LMX1B: variants seen among roughly 807,000 people sequenced by gnomAD.
LMX1B encodes the protein LIM homeobox transcription factor 1-beta.
A neutral mutation model predicts 51.4 loss-of-function variants in LMX1B; 12 were observed. The ratio of observed to expected loss-of-function variants is 0.23; its 90% CI spans 0.15 to 0.38. The LOEUF (loss-of-function observed/expected upper bound fraction) is 0.38, where lower values mean the gene tolerates loss of function less well. LMX1B is among the 10% of genes least tolerant of loss of function. LMX1B has a pLI of 1.00. For synonymous variants in LMX1B, 237 were observed against 235.4 expected, an observed-to-expected ratio of 1.01 and a Z score of -0.06; for missense variants, 445 against 571.1, an observed-to-expected ratio of 0.78 and a Z score of 2.25.
Position 126,673,360 on chromosome 9 carries a change from C to A in LMX1B, c.327-17476C>A, listed in dbSNP as rs1034017180. Among the ~76,000 whole-genome samples the A allele has an allele frequency of 1.3e-5, 2 of 152,144 alleles. No homozygotes were observed. The highest frequency in any genetic ancestry group is 4.8e-5 in the African/African-American group (2 of 41,438). On this transcript the variant is annotated intron_variant, in intron 2 of 7. Transcript: ENST00000373474. The surrounding 1 kb of genome is among the most constrained non-coding windows in gnomAD (Gnocchi z 4.4). ...CTGGACTTCCTGGGCGTCTGACACA[C>A]CAGGCCCCACAAACAACTCCGCACC...
At chr9:126,674,820 A>G (rs140714616) in intron 2 of LMX1B, among the ~76,000 whole-genome samples, 98 of 152,326 alleles carry the variant, frequency 6.4e-4, no homozygotes, top group Non-Finnish European at 1.1e-3. Context: ...TCTCACCTGC[A>G]GGGCACCAGC....
intron 2 of LMX1B, among the ~76,000 whole-genome samples, chr9:126,624,642 G>A (rs1462876384): frequency 1.3e-5 from 2 of 149,380 alleles, no homozygotes; most frequent in African/African-American, 4.9e-5. Flanking sequence ...CGAGGGCGGC[G>A]AGTGGCAGGT....
rs182978922 is a variant in LMX1B at position 126,665,402 on chromosome 9, C to T, written c.327-25434C>T. Among the ~76,000 whole-genome samples the T allele has an allele frequency of 3.5e-3, 537 of 152,320 alleles. 5 individuals carry two copies. The highest frequency in any genetic ancestry group is 5.7e-3 in the Non-Finnish European group (387 of 68,024). ...TGACTCTGGTGGCTAAATTGAGTCT[C>T]GGTTTCCTTAAAATGACTATTTATT... On this transcript the variant is annotated intron_variant, in intron 2 of 7. Coordinates refer to ENST00000373474, the MANE Select transcript of LMX1B (RefSeq NM_001174147.2).
intron 3 of LMX1B, 84 bp from the exon 4 acceptor site, chr9:126,693,058 G>T: frequency 7.2e-7 from 1 of 1,393,174 alleles, no homozygotes; most frequent in Non-Finnish European, 9.8e-7. Context: ...GGCTCCCATC[G>T]GGCAGCAGGT....
In LMX1B at chr9:126,641,105, AC is replaced by A. The variant is rs1472635750; in HGVS notation, c.326+25538del. ...CACGAGGCACAGAGCTGAGTAGGCA[AC>A]CTGGCACGGGGGCATGTGGAAGGAG... On this transcript the variant is annotated intron_variant, in intron 2 of 7. Transcript: ENST00000373474. This position sits in a 1 kb window ranked among gnomAD's most constrained non-coding sequence, Gnocchi z 4.1. 1.3e-5 allele frequency: 2 copies of A among 152,346 alleles called. No individual in the cohort carries two copies. The highest frequency in any genetic ancestry group is 4.8e-5 in the African/African-American group (2 of 41,464). 9.4% of individuals were successfully genotyped at this position (152,346 alleles called of 1,614,324 possible). A position where few individuals can be genotyped will look rare whatever the true frequency, so the allele number is the denominator to read the frequency against.
At chr9:126,655,470 G>A (rs1240493206) in intron 2 of LMX1B, among the ~76,000 whole-genome samples, 2 of 152,184 alleles carry the variant, frequency 1.3e-5, no homozygotes, top group Non-Finnish European at 2.9e-5. Context: ...GCTTTAAGGT[G>A]ACCGTGTCAT....
chr9:126,680,314 G>C (rs114639221), intron 2 of LMX1B, among the ~76,000 whole-genome samples: 2,291 of 152,282 alleles, frequency 0.015, 70 homozygotes, highest in African/African-American at 0.053. Flanking sequence ...ATGAGCAGGA[G>C]CTGGGAGGCC....
chr9:126,614,512 C>T lies in LMX1B; in HGVS notation c.63C>T (p.Cys21=). The change falls in exon 1 of 8, where the codon TGC becomes TGT. Residue 21 remains cysteine, a synonymous_variant. Transcript: ENST00000373474. ...ERCFPRGQTD[C]AKMLDGIKME... The stretch of plus-strand genomic sequence containing the variant: ...GCTTCCCTCGCGGGCAGACGGACTG[C>T]GCCAAGATGTTGGACGGCATCAAGA... 1 of 1,607,168 alleles carries T rather than the reference C, an allele frequency of 6.2e-7. No homozygotes were observed. Among genetic ancestry groups the T allele is most frequent in the Non-Finnish European group, 8.5e-7 (1 of 1,177,604 alleles).
chr9:126,640,203 G>C (rs1219573063), intron 2 of LMX1B, among the ~76,000 whole-genome samples: 1 of 152,200 alleles, frequency 6.6e-6, no homozygotes, highest in Non-Finnish European at 1.5e-5. Flanking sequence ...TCCAGAGCGG[G>C]GACCTCTGAG....
At chr9:126,681,055 A>G (rs12352298) in intron 2 of LMX1B, among the ~76,000 whole-genome samples, 7,766 of 152,148 alleles carry the variant, frequency 0.051, 675 homozygotes, top group African/African-American at 0.18. Context: ...AGAAGCCTCA[A>G]TATCCCCACC....
At chr9:126,616,836 A>G (rs562846136) in intron 2 of LMX1B, among the ~76,000 whole-genome samples, 1 of 152,184 alleles carries the variant, frequency 6.6e-6, no homozygotes, top group Non-Finnish European at 1.5e-5. Context: ...ATCGGATTCT[A>G]CCCCAAAAGG....
intron 2 of LMX1B, among the ~76,000 whole-genome samples, chr9:126,682,108 T>TTTTTTTTTG (rs1554727665): frequency 7.2e-6 from 1 of 139,020 alleles, no homozygotes; most frequent in Non-Finnish European, 1.5e-5. Context: ...TTTTTTTTTT[T>TTTTTTTTTG]ATAGAGATGG....
At chr9:126,634,602 A>AT (rs1554723536) in intron 2 of LMX1B, among the ~76,000 whole-genome samples, 32 of 150,212 alleles carry the variant, frequency 2.1e-4, no homozygotes, top group Admixed American at 1.1e-3. Context: ...GGTTCTGCAC[A>AT]CCCCCCCCAC....
At chr9:126,676,322 C>G (rs1444948253) in intron 2 of LMX1B, among the ~76,000 whole-genome samples, 3 of 152,210 alleles carry the variant, frequency 2.0e-5, no homozygotes, top group Non-Finnish European at 4.4e-5. Context: ...CGAAAAGTGG[C>G]CTTCTCTGAC....
rs908352232 is a variant in LMX1B at position 126,655,771 on chromosome 9, G to A, written c.327-35065G>A. 2.6e-5 allele frequency among the ~76,000 whole-genome samples: 4 copies of A among 152,258 alleles called. No individual in the cohort carries two copies. The South Asian group carries it at 6.2e-4, about 24-fold the overall frequency. On this transcript the variant is annotated intron_variant, in intron 2 of 7. Coordinates refer to ENST00000373474, the MANE Select transcript of LMX1B (RefSeq NM_001174147.2). ...CACATAACATAAAATTCACCATTTT[G>A]AAGTGTACAATTCAGTGGTTTTTAG...
intron 6 of LMX1B, among the ~76,000 whole-genome samples, chr9:126,694,536 G>A (rs147249547): frequency 1.5e-3 from 226 of 152,332 alleles, no homozygotes; most frequent in African/African-American, 5.2e-3. Context: ...AGCCAGGGCT[G>A]GTCTCCTGGG....
rs1564144819 is a variant in LMX1B, at chr9:126,618,099, C to A, written c.326+2530C>A. Among the ~76,000 whole-genome samples the A allele has an allele frequency of 6.6e-6, 1 of 151,976 alleles. No homozygotes were observed. Among genetic ancestry groups the A allele is most frequent in the African/African-American group, 2.4e-5 (1 of 41,380 alleles). The stretch of plus-strand genomic sequence containing the variant: ...CAGATGCATATTTATTTCATCTGTG[C>A]GTAAATGCTTTTCAGACAGGAATCC... On this transcript the variant is annotated intron_variant, in intron 2 of 7. Coordinates refer to ENST00000373474, the MANE Select transcript of LMX1B (RefSeq NM_001174147.2). The surrounding 1 kb of genome is among the most constrained non-coding windows in gnomAD (Gnocchi z 4.5).
Position 126,696,414 on chromosome 9 carries a change from G to C in LMX1B, c.1172G>C (p.Arg391Pro). The change falls in exon 8 of 8, where the codon CGG (arginine) becomes CCG (proline). Residue 391 changes from arginine to proline, a missense_variant. By Grantham distance (103) the Arg-to-Pro change is moderately radical. Coordinates refer to ENST00000373474, the MANE Select transcript of LMX1B (RefSeq NM_001174147.2). ...LQARVGNPID[R>P]LYSMQSSYFA... is the part of the protein sequence containing the mutation. ...GCCCGCGTGGGGAACCCCATCGACCGGCTCTACTCCATGCAGAGTTCCTAC... is the reference window on the plus strand; with the variant it reads ...GCCCGCGTGGGGAACCCCATCGACCCGCTCTACTCCATGCAGAGTTCCTAC... 6.2e-7 allele frequency: 1 copy of C among 1,614,036 alleles called. No homozygotes were observed. Among genetic ancestry groups the C allele is most frequent in the Non-Finnish European group, 8.5e-7 (1 of 1,179,964 alleles).
intron 2 of LMX1B, among the ~76,000 whole-genome samples, chr9:126,669,929 A>C (rs532794897): frequency 1.3e-5 from 2 of 152,196 alleles, no homozygotes; most frequent in African/African-American, 4.8e-5. Context: ...TTAGAAGTGG[A>C]GGGGGTAGGA....
Sources: allele counts gnomAD v4.1 joint callset (sites outside exome capture counted in the v4.1 genomes callset), GRCh38; gene constraint gnomAD v4.1.1; non-coding constraint Gnocchi (gnomAD v3.1); transcripts MANE v1.5; gene names NCBI Gene and HGNC (gene_info 2026-07-23, HGNC 2026-07-21).